Variants in PPM1L observed in about 807,000 individuals in gnomAD.
The protein encoded by PPM1L is protein phosphatase 1L.
In PPM1L, 13 loss-of-function variants were observed where a neutral mutation model predicts 31.4. That is an observed-to-expected ratio of 0.41 (90% confidence interval 0.27 to 0.66). The LOEUF (loss-of-function observed/expected upper bound fraction) is 0.66. Ranked by LOEUF, PPM1L falls within the 30% of genes least tolerant of loss-of-function variation. The pLI, the probability that PPM1L is intolerant of heterozygous loss-of-function variation, is 0.29. For missense variants in PPM1L, 326 were observed against 453.7 expected (o/e 0.72, Z 2.56); for synonymous variants, 184 against 175.4 (o/e 1.05, Z -0.39).
In PPM1L at chr3:160,905,376, G is replaced by A. The variant is rs1169887915; in HGVS notation, c.400-56360G>A. On this transcript the variant is annotated intron_variant, in intron 1 of 3. Coordinates refer to ENST00000498165, the MANE Select transcript of PPM1L (RefSeq NM_139245.4). ...ATCTTGGAACATTATATTCTTACAG[G>A]TTGACACTGATTTATTGATAAGCTC... 2.0e-5 allele frequency among the ~76,000 whole-genome samples: 3 copies of A among 152,100 alleles called. No individual in the cohort carries two copies. The East Asian group carries it at 5.8e-4, about 29-fold the overall frequency.
chr3:160,965,294 A>C (rs1023056829), intron 2 of PPM1L, among the ~76,000 whole-genome samples: 1 of 152,018 alleles, frequency 6.6e-6, no homozygotes, highest in Non-Finnish European at 1.5e-5. Context: ...CAATATGTGC[A>C]GATGTAACCA....
intron 1 of PPM1L, among the ~76,000 whole-genome samples, chr3:160,926,138 G>T (rs974325930): frequency 2.6e-4 from 40 of 152,152 alleles, no homozygotes; most frequent in African/African-American, 9.2e-4. Flanking sequence ...AAGTCTGGTT[G>T]TATACCTACC....
At chr3:160,807,809 C>CTTT (rs780117248) in intron 1 of PPM1L, among the ~76,000 whole-genome samples, 1 of 138,820 alleles carries the variant, frequency 7.2e-6, no homozygotes, top group Non-Finnish European at 1.6e-5. Flanking sequence ...TGCTTGGGCA[C>CTTT]TTTTTTTTTT....
chr3:160,882,735 T>A (rs929170071), intron 1 of PPM1L, among the ~76,000 whole-genome samples: 1 of 152,216 alleles, frequency 6.6e-6, no homozygotes, highest in African/African-American at 2.4e-5. Context: ...CCACTCACCG[T>A]TGTTCCCAGG....
At chr3:160,787,943 T>C (rs988047460) in intron 1 of PPM1L, among the ~76,000 whole-genome samples, 2 of 152,172 alleles carry the variant, frequency 1.3e-5, no homozygotes, top group African/African-American at 2.4e-5. Context: ...GCTTTATTTC[T>C]GGGTTCTCTG....
At chr3:160,792,545 T>C (rs548953903) in intron 1 of PPM1L, among the ~76,000 whole-genome samples, 1 of 152,304 alleles carries the variant, frequency 6.6e-6, no homozygotes, top group South Asian at 2.1e-4. Context: ...CCAATATTGA[T>C]ACACTATTAT....
chr3:160,802,531 T>G (rs1237627971), intron 1 of PPM1L, among the ~76,000 whole-genome samples: 1 of 152,230 alleles, frequency 6.6e-6, no homozygotes, highest in Non-Finnish European at 1.5e-5. Context: ...AGCGCCGGGC[T>G]GGGTACTTCA....
intron 1 of PPM1L, among the ~76,000 whole-genome samples, chr3:160,766,728 C>T (rs1266050705): frequency 6.7e-6 from 1 of 149,598 alleles, no homozygotes; most frequent in Admixed American, 6.6e-5. Context: ...GTCTTGATCA[C>T]TTGATCTCTC....
At chr3:161,040,652 G>A (rs1432102707) in intron 2 of PPM1L, among the ~76,000 whole-genome samples, 1 of 152,148 alleles carries the variant, frequency 6.6e-6, no homozygotes, top group South Asian at 2.1e-4. Context: ...TCTAAAGTCA[G>A]AGTGGGAATT....
At chr3:160,757,791 C>G (rs995998696) in intron 1 of PPM1L, among the ~76,000 whole-genome samples, 4 of 152,222 alleles carry the variant, frequency 2.6e-5, no homozygotes, top group African/African-American at 9.6e-5. Context: ...CACCCCTCCC[C>G]CGAACTCCCA....
chr3:160,797,165 G>T (rs1712272531), intron 1 of PPM1L, among the ~76,000 whole-genome samples: 1 of 152,136 alleles, frequency 6.6e-6, no homozygotes, highest in East Asian at 1.9e-4. Flanking sequence ...CTTACTTCTT[G>T]TCTCTGTCAT....
At chr3:160,802,539 T>G (rs1049727415) in intron 1 of PPM1L, among the ~76,000 whole-genome samples, 10 of 152,232 alleles carry the variant, frequency 6.6e-5, no homozygotes, top group African/African-American at 2.4e-4. Context: ...GCTGGGTACT[T>G]CATTCTCACG....
chr3:160,777,281 A>G (rs146290401), intron 1 of PPM1L, among the ~76,000 whole-genome samples: 1 of 152,208 alleles, frequency 6.6e-6, no homozygotes, highest in African/African-American at 2.4e-5. Context: ...TGATAATACC[A>G]CTGCACTCCA....
chr3:160,976,711 G>A (rs1716595031), intron 2 of PPM1L, among the ~76,000 whole-genome samples: 2 of 152,098 alleles, frequency 1.3e-5, no homozygotes, highest in African/African-American at 4.8e-5. Context: ...CTGTGGGATT[G>A]GTGGTGATAT....
intron 2 of PPM1L, among the ~76,000 whole-genome samples, chr3:161,008,959 G>A (rs138273244): frequency 6.6e-6 from 1 of 152,260 alleles, no homozygotes; most frequent in Non-Finnish European, 1.5e-5. Context: ...TAGACTAGAT[G>A]AGACCAGCTA....
chr3:161,051,770 A>T lies in PPM1L; in HGVS notation c.575-13633A>T, dbSNP rs188378232. ...GTCCCTCCAAGTGAGTTTATAAGTGACTGTGTTCTGTTTGGATGGAAAATA... is the reference window on the plus strand; with the variant it reads ...GTCCCTCCAAGTGAGTTTATAAGTGTCTGTGTTCTGTTTGGATGGAAAATA... On this transcript the variant is annotated intron_variant, in intron 2 of 3. Coordinates refer to ENST00000498165, the MANE Select transcript of PPM1L (RefSeq NM_139245.4). Among the ~76,000 whole-genome samples, 137 of 152,246 alleles carry T rather than the reference A, an allele frequency of 9.0e-4. 1 individual carries two copies. The highest frequency in any genetic ancestry group is 3.1e-3 in the African/African-American group (130 of 41,532).
intron 2 of PPM1L, among the ~76,000 whole-genome samples, chr3:160,985,983 A>ACCCC (rs1559914249): frequency 3.6e-4 from 54 of 149,058 alleles, no homozygotes; most frequent in African/African-American, 1.1e-3. Flanking sequence ...CACCCACCCA[A>ACCCC]AAAAAAAAAT....
At chr3:160,785,915 G>A (rs561462669) in intron 1 of PPM1L, among the ~76,000 whole-genome samples, 5 of 147,580 alleles carry the variant, frequency 3.4e-5, no homozygotes, top group African/African-American at 1.2e-4. Context: ...AGCATGTATA[G>A]TTCTAATTTT....
chr3:160,983,506 A>T (rs1716867966), intron 2 of PPM1L, among the ~76,000 whole-genome samples: 1 of 152,210 alleles, frequency 6.6e-6, no homozygotes, highest in African/African-American at 2.4e-5. Context: ...GACAGATGTG[A>T]TCAAATGTAC....
Sources: gnomAD v4.1 joint callset for allele counts (sites outside exome capture counted in the v4.1 genomes callset) on GRCh38, gnomAD v4.1.1 for gene constraint, MANE v1.5 for transcripts, NCBI Gene and HGNC (gene_info 2026-07-23, HGNC 2026-07-21) for gene names.